Variants in NMT2 observed in about 807,000 individuals in gnomAD.
The protein encoded by NMT2 is glycylpeptide N-tetradecanoyltransferase 2.
In NMT2, 35 loss-of-function variants were observed where a neutral mutation model predicts 65.4. The ratio of observed to expected loss-of-function variants is 0.54; its 90% CI spans 0.41 to 0.71. NMT2 has a LOEUF of 0.71. Among genes scored for constraint, NMT2 ranks in the 30% least tolerant of loss-of-function variants. The pLI is 0.00. For missense variants in NMT2, 489 were observed against 611.3 expected, an observed-to-expected ratio of 0.80 and a Z score of 2.11; for synonymous variants, 226 against 231.8, an observed-to-expected ratio of 0.98 and a Z score of 0.23.
At chr10:15,148,182 G>A (rs1432726130) in intron 1 of NMT2, among the ~76,000 whole-genome samples, 1 of 152,152 alleles carries the variant, frequency 6.6e-6, no homozygotes, top group Non-Finnish European at 1.5e-5. Context: ...CTGTGCTCCA[G>A]TTTCTGTAGC....
intron 8 of NMT2, among the ~76,000 whole-genome samples, chr10:15,125,603 T>G (rs915073800): frequency 6.6e-6 from 1 of 152,114 alleles, no homozygotes; most frequent in Non-Finnish European, 1.5e-5. Flanking sequence ...TTGCCCATAG[T>G]GAAAAAAAGA....
At chr10:15,116,635 C>A (rs187995575) in intron 9 of NMT2, among the ~76,000 whole-genome samples, 1 of 152,204 alleles carries the variant, frequency 6.6e-6, no homozygotes, top group Admixed American at 6.5e-5. Flanking sequence ...AAGTCTGGTT[C>A]TCTGGGAAAC....
intron 1 of NMT2, among the ~76,000 whole-genome samples, chr10:15,156,124 G>A (rs2131617582): frequency 6.6e-6 from 1 of 152,230 alleles, no homozygotes; most frequent in South Asian, 2.1e-4. Context: ...ATGTGGTTTG[G>A]GTGTGTCCCC....
intron 6 of NMT2, among the ~76,000 whole-genome samples, chr10:15,131,860 A>G (rs1177650542): frequency 6.6e-6 from 1 of 151,944 alleles, no homozygotes; most frequent in East Asian, 1.9e-4. Flanking sequence ...CTCCTAAAAA[A>G]TTTTTAAGTA....
At chr10:15,118,254 C>T (rs1011938562) in intron 9 of NMT2, among the ~76,000 whole-genome samples, 4 of 152,106 alleles carry the variant, frequency 2.6e-5, no homozygotes, top group Non-Finnish European at 5.9e-5. Flanking sequence ...AAACCTTTCA[C>T]GGGCTGGGCA....
intron 1 of NMT2, among the ~76,000 whole-genome samples, chr10:15,153,156 G>A (rs1832862159): frequency 6.6e-6 from 1 of 152,150 alleles, no homozygotes; most frequent in South Asian, 2.1e-4. Flanking sequence ...GGTTGGAGCT[G>A]AACATGGTGG....
chr10:15,106,691 C>T lies in NMT2; in HGVS notation c.*2504G>A. On this transcript the variant is annotated 3_prime_UTR_variant, in exon 12 of 12. Coordinates refer to ENST00000378165, the MANE Select transcript of NMT2 (RefSeq NM_004808.3). ...ACTCCTTCGTAGTGACCAAGGTCAACAAACTTTCTGTAAAAGACCAGAGAG... is the reference window on the plus strand; with the variant it reads ...ACTCCTTCGTAGTGACCAAGGTCAATAAACTTTCTGTAAAAGACCAGAGAG... 1.0e-6 allele frequency: 1 copy of T among 983,488 alleles called. No individual in the cohort carries two copies. Among genetic ancestry groups the T allele is most frequent in the South Asian group, 4.7e-5 (1 of 21,240 alleles). The allele number at this position is 983,488 out of a possible 1,614,324, so 60.9% of individuals were successfully genotyped here.
chr10:15,162,581 T>G (rs1211881038), intron 1 of NMT2, among the ~76,000 whole-genome samples: 1 of 151,362 alleles, frequency 6.6e-6, no homozygotes, highest in Non-Finnish European at 1.5e-5. Flanking sequence ...ACAATAAGAG[T>G]CAGCGAAACA....
chr10:15,127,640 T>A (rs1000956667), intron 8 of NMT2, among the ~76,000 whole-genome samples: 2 of 150,834 alleles, frequency 1.3e-5, no homozygotes, highest in Non-Finnish European at 3.0e-5. Flanking sequence ...CAGTGGCTCA[T>A]GCCTGTAATC....
Position 15,106,180 on chromosome 10 carries a change from G to T in NMT2, c.*3015C>A, listed in dbSNP as rs1330415226. Reference sequence around the variant, plus strand: ...GGCTAGTTTTTGTAATTTTAGTAGAGATAGGGCTTCACCATGTTGGCCAGG... The same window carrying T: ...GGCTAGTTTTTGTAATTTTAGTAGATATAGGGCTTCACCATGTTGGCCAGG... On this transcript the variant is annotated 3_prime_UTR_variant, in exon 12 of 12. Coordinates refer to ENST00000378165, the MANE Select transcript of NMT2 (RefSeq NM_004808.3). 1 of 233,028 alleles carries T rather than the reference G, an allele frequency of 4.3e-6. No individual in the cohort carries two copies. The highest frequency in any genetic ancestry group is 8.9e-6 in the Non-Finnish European group (1 of 112,298). The allele number at this position is 233,028 out of a possible 1,614,324, so 14.4% of individuals were successfully genotyped here.
intron 2 of NMT2, among the ~76,000 whole-genome samples, chr10:15,138,004 CTTTT>C (rs374744946): frequency 7.8e-6 from 1 of 128,132 alleles, no homozygotes; most frequent in African/African-American, 2.9e-5. Context: ...TCTTCTTCTT[CTTTT>C]TTTTTTTTTT....
At chr10:15,141,748 G>A (rs1846775509) in intron 1 of NMT2, among the ~76,000 whole-genome samples, 191 bp from the exon 2 acceptor site, 1 of 152,174 alleles carries the variant, frequency 6.6e-6, no homozygotes. Flanking sequence ...AAGAATACCA[G>A]CCCCCGCTCA....
chr10:15,130,720 A>G lies in NMT2; in HGVS notation c.720-408T>C, dbSNP rs1278124753. On this transcript the variant is annotated intron_variant, in intron 6 of 11. Coordinates refer to ENST00000378165, the MANE Select transcript of NMT2 (RefSeq NM_004808.3). ...CCCTGTCTCAAAAAAAAAAAAAAAA[A>G]AAAAAAAGAAAAGAAAGAAAAAGAA... 7.4e-4 allele frequency among the ~76,000 whole-genome samples: 111 copies of G among 150,172 alleles called. 1 individual carries two copies. The highest frequency in any genetic ancestry group is 2.6e-3 in the African/African-American group (107 of 41,046).
At chr10:15,121,747 A>C (rs778732896) in intron 8 of NMT2, among the ~76,000 whole-genome samples, 8 of 152,192 alleles carry the variant, frequency 5.3e-5, no homozygotes, top group Non-Finnish European at 1.2e-4. Flanking sequence ...AGTGACACAC[A>C]GTGCTGATTG....
intron 10 of NMT2, among the ~76,000 whole-genome samples, chr10:15,110,163 C>G (rs1402547875): frequency 1.3e-5 from 2 of 152,164 alleles, no homozygotes; most frequent in Non-Finnish European, 2.9e-5. Flanking sequence ...GTCCCAGCTA[C>G]TCAGGAGGCT....
intron 1 of NMT2, among the ~76,000 whole-genome samples, chr10:15,164,355 C>A (rs192703438): frequency 6.6e-6 from 1 of 152,080 alleles, no homozygotes; most frequent in Non-Finnish European, 1.5e-5. Flanking sequence ...GCTCTCTTAA[C>A]GGAAAGCTAT....
chr10:15,112,407 T>C (rs1845592835), intron 10 of NMT2, among the ~76,000 whole-genome samples: 1 of 150,238 alleles, frequency 6.7e-6, no homozygotes, highest in East Asian at 2.0e-4. Context: ...TTTTGTATTT[T>C]TAGTAGAGAC....
chr10:15,166,515 C>G (rs1387027824), intron 1 of NMT2, among the ~76,000 whole-genome samples: 1 of 152,206 alleles, frequency 6.6e-6, no homozygotes, highest in Non-Finnish European at 1.5e-5. Flanking sequence ...TTTACTCCCC[C>G]AAATTTGGCA....
chr10:15,157,165 G>A (rs892287508), intron 1 of NMT2, among the ~76,000 whole-genome samples: 5 of 152,250 alleles, frequency 3.3e-5, no homozygotes, highest in African/African-American at 4.8e-5. Context: ...ACACAGCTAC[G>A]GAAATAAAGA....
Sources: gnomAD v4.1 joint callset for allele counts (sites outside exome capture counted in the v4.1 genomes callset) on GRCh38, gnomAD v4.1.1 for gene constraint, MANE v1.5 for transcripts, NCBI Gene and HGNC (gene_info 2026-07-23, HGNC 2026-07-21) for gene names.